Variants in BBS9 observed in about 807,000 individuals in gnomAD.
BBS9 encodes Bardet-Biedl syndrome 9.
In BBS9, 89 loss-of-function variants were observed where a neutral mutation model predicts 117.7. The observed-to-expected ratio is 0.76, with a 90% CI of 0.64 to 0.90. BBS9 has a LOEUF of 0.90. Among genes scored for constraint, BBS9 ranks in the 40% least tolerant of loss-of-function variants. The pLI is 0.00. For synonymous variants in BBS9, 379 were observed against 370.9 expected (o/e 1.02, Z -0.25); for missense variants, 982 against 1,042.2 (o/e 0.94, Z 0.80).
chr7:33,457,124 C>T (rs1470587401), intron 19 of BBS9, among the ~76,000 whole-genome samples: 1 of 152,152 alleles, frequency 6.6e-6, no homozygotes, highest in African/African-American at 2.4e-5. Context: ...CCCTTTTGCC[C>T]TCTTCTCTGG....
intron 1 of BBS9, among the ~76,000 whole-genome samples, chr7:33,137,958 G>A (rs1389953238): frequency 6.6e-6 from 1 of 152,184 alleles, no homozygotes; most frequent in Non-Finnish European, 1.5e-5. Context: ...AATTAAGGTA[G>A]CCATGGTCTT....
chr7:33,536,853 A>G, intron 21 of BBS9, among the ~76,000 whole-genome samples: 1 of 150,000 alleles, frequency 6.7e-6, no homozygotes, highest in East Asian at 1.9e-4. Context: ...CAAAGGTGAC[A>G]TGATAACATT....
At chr7:33,150,718 A>G (rs1269018324) in intron 2 of BBS9, among the ~76,000 whole-genome samples, 2 of 152,120 alleles carry the variant, frequency 1.3e-5, no homozygotes, top group African/African-American at 4.8e-5. Flanking sequence ...TATCTTGGGG[A>G]AAAAAAGTAT....
At chr7:33,350,499 A>G (rs1409369419) in intron 13 of BBS9, among the ~76,000 whole-genome samples, 3 of 152,200 alleles carry the variant, frequency 2.0e-5, no homozygotes, top group Admixed American at 2.0e-4. Context: ...ATGAGCACGC[A>G]CAATCTGTTA....
chr7:33,197,764 G>A (rs914915278), intron 5 of BBS9, among the ~76,000 whole-genome samples: 16 of 151,750 alleles, frequency 1.1e-4, no homozygotes, highest in Non-Finnish European at 1.9e-4. Context: ...AAAAATATAA[G>A]TATCATACAA....
chr7:33,609,592 C>G (rs768701634), downstream of BBS9, among the ~76,000 whole-genome samples: 27 of 152,206 alleles, frequency 1.8e-4, no homozygotes, highest in Middle Eastern at 3.4e-3. Context: ...AGAAATTCTC[C>G]TTTGACTTGG....
intron 1 of BBS9, among the ~76,000 whole-genome samples, chr7:33,131,743 T>A (rs371939637): frequency 1.3e-5 from 2 of 152,230 alleles, no homozygotes; most frequent in African/African-American, 4.8e-5. Context: ...CTGGGCAACA[T>A]AGTGAGACCT....
At chr7:33,512,509 GTAA>G (rs1332303400) in intron 20 of BBS9, among the ~76,000 whole-genome samples, 1 of 152,140 alleles carries the variant, frequency 6.6e-6, no homozygotes, top group African/African-American at 2.4e-5. Context: ...TGTGAATAAG[GTAA>G]TAATTAAATT....
intron 19 of BBS9, among the ~76,000 whole-genome samples, chr7:33,446,433 T>G (rs568124065): frequency 6.6e-6 from 1 of 152,294 alleles, no homozygotes; most frequent in East Asian, 1.9e-4. Context: ...TTGAAAAAGC[T>G]TGAAATTCCC....
intron 5 of BBS9, among the ~76,000 whole-genome samples, chr7:33,208,671 G>T (rs1415532816): frequency 1.3e-5 from 2 of 152,164 alleles, no homozygotes; most frequent in African/African-American, 2.4e-5. Context: ...TCTACATATG[G>T]TGAAGGCAGC....
chr7:33,519,668 G>A (rs1012055121), intron 20 of BBS9, among the ~76,000 whole-genome samples: 3 of 152,082 alleles, frequency 2.0e-5, no homozygotes, highest in Non-Finnish European at 2.9e-5. Flanking sequence ...TTGGTTCTGC[G>A]AATATGTTAA....
intron 17 of BBS9, among the ~76,000 whole-genome samples, chr7:33,376,742 A>T (rs1225354096): frequency 1.3e-5 from 2 of 152,104 alleles, no homozygotes; most frequent in Non-Finnish European, 2.9e-5. Context: ...AACATTTCTG[A>T]CTGGTGTGAC....
chr7:33,215,241 A>G (rs1158264249), intron 5 of BBS9, among the ~76,000 whole-genome samples: 1 of 152,202 alleles, frequency 6.6e-6, no homozygotes, highest in Non-Finnish European at 1.5e-5. Flanking sequence ...TGACTTCAAA[A>G]TATATGACAA....
chr7:33,296,656 C>T, intron 9 of BBS9, among the ~76,000 whole-genome samples: 1 of 152,136 alleles, frequency 6.6e-6, no homozygotes, highest in East Asian at 1.9e-4. Flanking sequence ...GATTCTACCC[C>T]ATTTTTCTCT....
chr7:33,483,952 C>G (rs761046662), intron 19 of BBS9, among the ~76,000 whole-genome samples: 1 of 152,114 alleles, frequency 6.6e-6, no homozygotes, highest in East Asian at 1.9e-4. Flanking sequence ...CAGACCTTTA[C>G]TGAGTTTTAT....
At chr7:33,152,989 G>A (rs879931572) in intron 3 of BBS9, 138 bp downstream of exon 3, 48 of 907,762 alleles carry the variant, frequency 5.3e-5, no homozygotes, top group Middle Eastern at 3.4e-4. Context: ...GGTTTCTCAC[G>A]TATGGAATGC....
At chr7:33,250,301 A>G (rs1437353655) in intron 5 of BBS9, among the ~76,000 whole-genome samples, 1 of 152,208 alleles carries the variant, frequency 6.6e-6, no homozygotes, top group Non-Finnish European at 1.5e-5. Context: ...ACAGAAGGCC[A>G]GAAATGTAAC....
intron 9 of BBS9, among the ~76,000 whole-genome samples, chr7:33,275,118 C>G (rs533612497): frequency 4.0e-5 from 6 of 151,216 alleles, no homozygotes; most frequent in Admixed American, 4.0e-4. Context: ...TGAAGCTCAA[C>G]GAAGGGTATT....
intron 9 of BBS9, among the ~76,000 whole-genome samples, chr7:33,275,118 C>T (rs533612497): frequency 6.6e-5 from 10 of 151,316 alleles, no homozygotes; most frequent in South Asian, 4.2e-4. Context: ...TGAAGCTCAA[C>T]GAAGGGTATT....
Sources: gnomAD v4.1 joint callset for allele counts (sites outside exome capture counted in the v4.1 genomes callset) on GRCh38, gnomAD v4.1.1 for gene constraint, MANE v1.5 for transcripts, NCBI Gene and HGNC (gene_info 2026-07-23, HGNC 2026-07-21) for gene names.